RBFOX1: variants seen among roughly 807,000 people sequenced by gnomAD.
RBFOX1 encodes RNA binding protein fox-1 homolog 1.
In RBFOX1, 8 loss-of-function variants were observed where a neutral mutation model predicts 57.7. The ratio of observed to expected loss-of-function variants is 0.14; its 90% CI spans 0.08 to 0.25. The LOEUF (loss-of-function observed/expected upper bound fraction) is 0.25, where lower values mean the gene tolerates loss of function less well. RBFOX1 is among the 10% of genes least tolerant of loss of function. The pLI is 1.00. For missense variants in RBFOX1, 611 were observed against 548.5 expected, an observed-to-expected ratio of 1.11 and a Z score of -1.14; for synonymous variants, 326 against 222.4, an observed-to-expected ratio of 1.47 and a Z score of -4.15.
upstream of RBFOX1, among the ~76,000 whole-genome samples, chr16:6,015,199 G>C (rs141373888): frequency 2.5e-3 from 381 of 152,006 alleles, 4 homozygotes; most frequent in East Asian, 0.026. Flanking sequence ...TTTTTAGCTT[G>C]CTTTTTTCAT....
chr16:5,426,087 A>C (rs2067550109), intron 1 of RBFOX1, among the ~76,000 whole-genome samples: 1 of 152,186 alleles, frequency 6.6e-6, no homozygotes, highest in Non-Finnish European at 1.5e-5. Flanking sequence ...TCTCCTTCCA[A>C]ATCGATTTCA....
At chr16:6,861,903 A>G (rs1442131393) in intron 3 of RBFOX1, among the ~76,000 whole-genome samples, 1 of 138,822 alleles carries the variant, frequency 7.2e-6, no homozygotes, top group Non-Finnish European at 1.5e-5. Context: ...GTTAACATTA[A>G]CAAGAGCTCT....
At position 7,052,062 on chromosome 16, in the gene RBFOX1, A is replaced by G; in HGVS notation, c.-10A>G. The G allele has an allele frequency of 6.2e-7, 1 of 1,612,658 alleles. No homozygotes were observed. The highest frequency in any genetic ancestry group is 8.5e-7 in the Non-Finnish European group (1 of 1,179,530). On this transcript the variant is annotated 5_prime_UTR_variant, in exon 4 of 16. Transcript: ENST00000550418. ...TCATTTTCTTTTCTTTCTAGGTTTC[A>G]AGACAACAGATGAATTGTGAAAGAG...
At chr16:7,290,599 C>T (rs2095750393) in intron 4 of RBFOX1, among the ~76,000 whole-genome samples, 1 of 152,206 alleles carries the variant, frequency 6.6e-6, no homozygotes, top group Non-Finnish European at 1.5e-5. Flanking sequence ...CTAATATTTT[C>T]ATTTTCAAAT....
intron 5 of RBFOX1, among the ~76,000 whole-genome samples, chr16:7,557,017 T>C (rs1362891077): frequency 6.6e-6 from 1 of 152,222 alleles, no homozygotes; most frequent in Non-Finnish European, 1.5e-5. Flanking sequence ...ACACCAATTA[T>C]ATCAATTATT....
intron 1 of RBFOX1, among the ~76,000 whole-genome samples, chr16:5,367,994 C>T (rs1258465545): frequency 2.0e-5 from 3 of 152,126 alleles, no homozygotes; most frequent in East Asian, 3.8e-4. Context: ...ATGGGTTCCA[C>T]GGGGGTTCTT....
chr16:7,664,864 G>GT, intron 12 of RBFOX1, 65 bp from the exon 13 acceptor site: 1 of 1,613,750 alleles, frequency 6.2e-7, no homozygotes, highest in Non-Finnish European at 8.5e-7. Context: ...CAGTGCAGGG[G>GT]TTGGTGTGTC....
At chr16:6,023,701 C>T (rs2095129830) in intron 1 of RBFOX1, among the ~76,000 whole-genome samples, 1 of 152,182 alleles carries the variant, frequency 6.6e-6, no homozygotes, top group African/African-American at 2.4e-5. Context: ...ATGGGAGTTA[C>T]ACAGTAAGCA....
At position 6,019,617 on chromosome 16, in the gene RBFOX1, G is replaced by A. The variant is rs1474981818; in HGVS notation, c.-502G>A. On this transcript the variant is annotated 5_prime_UTR_variant, in exon 1 of 16. Coordinates refer to ENST00000550418, the MANE Select transcript of RBFOX1 (RefSeq NM_018723.4). The surrounding 1 kb of genome is among the most constrained non-coding windows in gnomAD (Gnocchi z 4.2). ...GAAGAAGGAAGGAGTGAGCCGAGCC[G>A]AGCACCCCACATCTGGAGGGGACAG... 4.0e-6 allele frequency: 5 copies of A among 1,246,554 alleles called. No individual in the cohort carries two copies. The African/African-American group carries it at 6.2e-5, about 16-fold the overall frequency. 77.2% of individuals were successfully genotyped at this position (1,246,554 alleles called of 1,614,324 possible). A position where few individuals can be genotyped will look rare whatever the true frequency, so the allele number is the denominator to read the frequency against.
At chr16:5,323,843 C>T (rs531205845) in intron 1 of RBFOX1, among the ~76,000 whole-genome samples, 2 of 152,322 alleles carry the variant, frequency 1.3e-5, no homozygotes, top group East Asian at 1.9e-4. Flanking sequence ...GTCCCTGTAA[C>T]ATAGACTGGG....
chr16:7,002,248 G>T lies in RBFOX1; in HGVS notation c.-15-49809G>T, dbSNP rs1022871130. 2.0e-5 allele frequency among the ~76,000 whole-genome samples: 3 copies of T among 152,310 alleles called. No individual in the cohort carries two copies. The Middle Eastern group carries it at 0.01, about 518-fold the overall frequency. On this transcript the variant is annotated intron_variant, in intron 3 of 15. Coordinates refer to ENST00000550418, the MANE Select transcript of RBFOX1 (RefSeq NM_018723.4). ...CACTTGAGGCCCTGGATACAGCGGTGCATGAAGTTAATCTATCTACTTTGG... is the reference window on the plus strand; with the variant it reads ...CACTTGAGGCCCTGGATACAGCGGTTCATGAAGTTAATCTATCTACTTTGG...
At chr16:7,127,719 A>G (rs1227404572) in intron 4 of RBFOX1, among the ~76,000 whole-genome samples, 1 of 152,196 alleles carries the variant, frequency 6.6e-6, no homozygotes, top group African/African-American at 2.4e-5. Context: ...TGGGTTGTAT[A>G]TGCTTCAAAA....
intron 3 of RBFOX1, among the ~76,000 whole-genome samples, chr16:6,984,918 G>C (rs556008114): frequency 6.6e-6 from 1 of 152,226 alleles, no homozygotes; most frequent in Non-Finnish European, 1.5e-5. Context: ...TAGGATTACA[G>C]GTATGAGACA....
chr16:7,176,294 A>G (rs1162998855), intron 4 of RBFOX1, among the ~76,000 whole-genome samples: 1 of 151,134 alleles, frequency 6.6e-6, no homozygotes, highest in African/African-American at 2.5e-5. Flanking sequence ...ACCATTTTGC[A>G]TTTCTTTAGC....
chr16:6,967,638 C>T (rs1349175217), intron 3 of RBFOX1, among the ~76,000 whole-genome samples: 1 of 152,038 alleles, frequency 6.6e-6, no homozygotes, highest in East Asian at 1.9e-4. Flanking sequence ...TGTTGAACAG[C>T]GAAGTGTGTG....
chr16:7,613,470 G>C (rs2057911389), intron 10 of RBFOX1, among the ~76,000 whole-genome samples: 1 of 152,164 alleles, frequency 6.6e-6, no homozygotes, highest in South Asian at 2.1e-4. Flanking sequence ...ATTTCAGAAA[G>C]AACCTGGCCA....
In RBFOX1 at chr16:5,478,663, C is replaced by T. The variant is rs187829605; in HGVS notation, c.258+11409C>T. Among the ~76,000 whole-genome samples, 61 of 152,280 alleles carry T rather than the reference C, an allele frequency of 4.0e-4. 1 individual carries two copies. Among genetic ancestry groups the T allele is most frequent in the East Asian group, 3.9e-3 (20 of 5,176 alleles). On this transcript the variant is annotated intron_variant, in intron 2 of 2. Coordinates refer to the RBFOX1 transcript ENST00000585867. ...TAGCATCTGCTTATCTTTCCAGACC[C>T]GCTTTCTGCTCTTCTCCACTGTTCT...
chr16:7,016,171 G>C (rs765051234), intron 3 of RBFOX1, among the ~76,000 whole-genome samples: 1 of 152,100 alleles, frequency 6.6e-6, no homozygotes, highest in Non-Finnish European at 1.5e-5. Context: ...ATCCCTTGCC[G>C]CGGTGAATTT....
At chr16:6,415,422 G>A (rs531454205) in intron 2 of RBFOX1, among the ~76,000 whole-genome samples, 3 of 151,898 alleles carry the variant, frequency 2.0e-5, no homozygotes, top group African/African-American at 4.8e-5. Flanking sequence ...TGGGCCGGGC[G>A]TGGTGGCTCA....
Sources: allele counts gnomAD v4.1 joint callset (sites outside exome capture counted in the v4.1 genomes callset), GRCh38; gene constraint gnomAD v4.1.1; non-coding constraint Gnocchi (gnomAD v3.1); transcripts MANE v1.5; gene names NCBI Gene and HGNC (gene_info 2026-07-23, HGNC 2026-07-21).